Variants in SYNE2 observed in about 807,000 individuals in gnomAD.
The protein encoded by SYNE2 is spectrin repeat containing nuclear envelope protein 2.
Under a neutral mutation model 856.3 loss-of-function variants are expected in SYNE2, and 431 were observed. The ratio of observed to expected loss-of-function variants is 0.50; its 90% CI spans 0.47 to 0.55. The LOEUF is 0.55. SYNE2 is among the 20% of genes least tolerant of loss of function. The pLI is 0.00. For missense variants in SYNE2, 8,129 were observed against 8,023.2 expected (o/e 1.01, Z -0.50); for synonymous variants, 2,923 against 2,872.3 (o/e 1.02, Z -0.56).
At position 64,152,545 on chromosome 14, in the gene SYNE2, TTTCCTC is replaced by T. The variant is rs1445823319; in HGVS notation, c.15640-16_15640-11del. The T allele has an allele frequency of 6.2e-7, 1 of 1,613,828 alleles. No homozygotes were observed. Among genetic ancestry groups the T allele is most frequent in the South Asian group, 1.1e-5 (1 of 91,064 alleles). On this transcript the variant is annotated splice_polypyrimidine_tract_variant and intron_variant, in intron 84 of 115. Coordinates refer to ENST00000555002, the MANE Select transcript of SYNE2 (RefSeq NM_182914.3). ...TTGTAATATTGTGCATTGAAAACCT[TTTCCTC>T]TTACTCTTCCAGGATATAGAAAATC...
intron 1 of SYNE2, among the ~76,000 whole-genome samples, chr14:63,856,656 CT>C (rs1204236339): frequency 6.6e-6 from 1 of 152,144 alleles, no homozygotes; most frequent in Non-Finnish European, 1.5e-5. Context: ...TGTTCCCCTC[CT>C]TTTTTTCTTT....
Position 63,971,532 on chromosome 14 carries a change from C to A in SYNE2, c.1128+3686C>A, listed in dbSNP as rs930039647. ...TATAGTGGTTTTATATATAAATATA[C>A]ATGACACATGTAATGTATGTCTTAA... is the stretch of plus-strand genomic sequence containing the variant. On this transcript the variant is annotated intron_variant, in intron 11 of 115. Coordinates refer to ENST00000555002, the MANE Select transcript of SYNE2 (RefSeq NM_182914.3). 2.0e-5 allele frequency among the ~76,000 whole-genome samples: 3 copies of A among 151,560 alleles called. No individual in the cohort carries two copies. In the East Asian group the frequency reaches 5.8e-4, roughly 29 times the overall value.
chr14:63,834,860 G>A (rs1378250665), intron 1 of SYNE2, among the ~76,000 whole-genome samples: 1 of 139,638 alleles, frequency 7.2e-6, no homozygotes, highest in African/African-American at 2.5e-5. Flanking sequence ...AGATGGTCTC[G>A]ATCTCTTGAC....
chr14:64,112,726 A>G (rs2097821121), intron 65 of SYNE2, among the ~76,000 whole-genome samples: 1 of 152,234 alleles, frequency 6.6e-6, no homozygotes. Context: ...ATAGGAAAAA[A>G]GTTTCCAGGT....
In SYNE2 at chr14:63,998,208, T is replaced by C; in HGVS notation, c.3244-11T>C. 6.3e-7 allele frequency: 1 copy of C among 1,586,368 alleles called. No homozygotes were observed. On this transcript the variant is annotated splice_polypyrimidine_tract_variant and intron_variant, in intron 25 of 115. Transcript: ENST00000555002. ...AAGATATTTCGTTTACTATTTTGCATATTCCCTTAGGCAATGGAACCCACT... is the reference window on the plus strand; with the variant it reads ...AAGATATTTCGTTTACTATTTTGCACATTCCCTTAGGCAATGGAACCCACT...
intron 79 of SYNE2, among the ~76,000 whole-genome samples, chr14:64,138,946 G>GGTGTGTGT (rs150016027): frequency 0.02 from 2,788 of 137,746 alleles, 39 homozygotes; most frequent in Non-Finnish European, 0.029. Flanking sequence ...GTGTATGTAT[G>GGTGTGTGT]GTGTGTGTGT....
At chr14:64,003,384 T>G (rs781562231) in intron 30 of SYNE2, 54 bp downstream of exon 30, 1 of 1,608,748 alleles carries the variant, frequency 6.2e-7, no homozygotes, top group East Asian at 2.2e-5. Flanking sequence ...TTCTGTATTT[T>G]CACTTCTGTT....
chr14:64,222,104 GGA>G (rs1454621957), intron 112 of SYNE2, among the ~76,000 whole-genome samples: 1 of 152,204 alleles, frequency 6.6e-6, no homozygotes, highest in African/African-American at 2.4e-5. Flanking sequence ...TCTTCTTGGA[GGA>G]GAGTCGTGTC....
rs780390379 is a variant in SYNE2, at chr14:64,208,803, G to T, written c.18247G>T (p.Val6083Leu). ...ACAACACAGCGCAGGGGTGGAGTCC[G>T]TGTTTAACATCTGTGACGTCCTACT... The part of the protein sequence containing the change: ...IEQHSAGVES[V>L]FNICDVLLHD... Residue 6083 changes from valine (V) to leucine (L), a missense_variant, in exon 101 of 116, where the codon GTG becomes TTG. Around this residue, in one of 3 missense-constraint regions of SYNE2, gnomAD observed 5,410 missense variants for 5,284.8 expected, o/e 1.02. Coordinates refer to ENST00000555002, the MANE Select transcript of SYNE2 (RefSeq NM_182914.3). 6 of 1,614,208 alleles carry T rather than the reference G, an allele frequency of 3.7e-6. No homozygotes were observed. The highest frequency in any genetic ancestry group is 5.1e-6 in the Non-Finnish European group (6 of 1,180,034).
chr14:64,027,861 G>T, intron 43 of SYNE2, 68 bp downstream of exon 43: 1 of 1,187,616 alleles, frequency 8.4e-7, no homozygotes, highest in African/African-American at 1.5e-5. Flanking sequence ...GACATATGTG[G>T]AACTATCTGT....
At chr14:64,074,690 G>C (rs922183031) in intron 53 of SYNE2, among the ~76,000 whole-genome samples, 2 of 152,126 alleles carry the variant, frequency 1.3e-5, no homozygotes, top group African/African-American at 4.8e-5. Context: ...GGGGTCAGGA[G>C]GTCAAGACCA....
upstream of SYNE2, among the ~76,000 whole-genome samples, chr14:63,851,623 G>T (rs977116328): frequency 4.6e-5 from 7 of 152,146 alleles, no homozygotes; most frequent in Admixed American, 4.6e-4. Flanking sequence ...TGAAACAATT[G>T]TTCCAAATTG....
rs530707748 is a variant in SYNE2, at chr14:64,121,058, A to G, written c.13155A>G (p.Gln4385=). ...QFSRQKDFQQ[Q]QVLELKPMEQ... ...GCAGACAAAAAGATTTCCAGCAGCA[A>G]CAGGTAATTCTAGCCCCCAACAGTT... is the stretch of plus-strand genomic sequence containing the variant. Residue 4385 remains glutamine, a synonymous_variant, in exon 68 of 116, where the codon CAA becomes CAG. Coordinates refer to ENST00000555002, the MANE Select transcript of SYNE2 (RefSeq NM_182914.3). 2.5e-6 allele frequency: 4 copies of G among 1,614,016 alleles called. No homozygotes were observed. Among genetic ancestry groups the G allele is most frequent in the African/African-American group, 2.7e-5 (2 of 75,036 alleles).
intron 7 of SYNE2, 44 bp from the exon 8 acceptor site, chr14:63,954,675 T>G: frequency 6.3e-7 from 1 of 1,582,158 alleles, no homozygotes; most frequent in Non-Finnish European, 8.7e-7. Flanking sequence ...GGGTGTTACG[T>G]TCTTTTTAAT....
Position 63,976,574 on chromosome 14 carries a change from G to C in SYNE2, c.1140G>C (p.Trp380Cys), listed in dbSNP as rs1382988083. The change falls in exon 12 of 116, where the codon TGG becomes TGC. Residue 380 changes from tryptophan (W) to cysteine (C), a missense_variant. Coordinates refer to ENST00000555002, the MANE Select transcript of SYNE2 (RefSeq NM_182914.3). Reference protein sequence around the residue: ...WDGLDHQINAWKIKLNYALPP... With the variant: ...WDGLDHQINACKIKLNYALPP... ...TTTTTTTTTTTCAGATTAATGCATGGAAAATAAAGCTAAATTATGCCTTGC... is the reference window on the plus strand; with the variant it reads ...TTTTTTTTTTTCAGATTAATGCATGCAAAATAAAGCTAAATTATGCCTTGC... 5.0e-6 allele frequency: 8 copies of C among 1,589,940 alleles called. No individual in the cohort carries two copies. Among genetic ancestry groups the C allele is most frequent in the Non-Finnish European group, 6.8e-6 (8 of 1,169,998 alleles).
chr14:64,065,274 C>T (rs1253634606), intron 50 of SYNE2, among the ~76,000 whole-genome samples, 158 bp from the exon 51 acceptor site: 1 of 152,210 alleles, frequency 6.6e-6, no homozygotes, highest in African/African-American at 2.4e-5. Context: ...AGATAATTCT[C>T]ATCTGGTCTA....
chr14:64,067,097 G>A (rs573940367), intron 51 of SYNE2, among the ~76,000 whole-genome samples: 2 of 152,174 alleles, frequency 1.3e-5, no homozygotes, highest in East Asian at 1.9e-4. Context: ...TTACAATTAT[G>A]TGTTATTAAT....
chr14:63,801,674 C>T (rs1022430414), intron 1 of SYNE2, among the ~76,000 whole-genome samples: 4 of 149,126 alleles, frequency 2.7e-5, no homozygotes, highest in East Asian at 2.0e-4. Context: ...AACTCCATCT[C>T]GAAAAAAAAA....
At chr14:64,205,288 A>G (rs1201052328) in intron 100 of SYNE2, among the ~76,000 whole-genome samples, 3 of 152,116 alleles carry the variant, frequency 2.0e-5, no homozygotes, top group African/African-American at 4.8e-5. Flanking sequence ...TATTTTTGTT[A>G]AAAAGAATAA....
Sources: gnomAD v4.1 joint callset for allele counts (sites outside exome capture counted in the v4.1 genomes callset) on GRCh38, gnomAD v4.1.1 for gene constraint, gnomAD v4.1.1 regional missense constraint, MANE v1.5 for transcripts, NCBI Gene and HGNC (gene_info 2026-07-23, HGNC 2026-07-21) for gene names.